Variants in NEMF observed in about 807,000 individuals in gnomAD.
The protein encoded by NEMF is ribosome quality control complex subunit NEMF.
NEMF carries 89 observed loss-of-function variants against 162.2 expected under a neutral mutation model. That is an observed-to-expected ratio of 0.55 (90% CI 0.46 to 0.65). NEMF has a LOEUF of 0.65. Among genes scored for constraint, NEMF ranks in the 30% least tolerant of loss-of-function variants. The pLI is 0.00. For synonymous variants in NEMF, 421 were observed against 404.5 expected (o/e 1.04, Z -0.49); for missense variants, 1,133 against 1,261.9 (o/e 0.90, Z 1.55).
intron 15 of NEMF, among the ~76,000 whole-genome samples, chr14:49,827,669 T>G (rs893615668): frequency 4.6e-5 from 7 of 151,942 alleles, no homozygotes; most frequent in Non-Finnish European, 1.0e-4. Context: ...AAAAATTAGC[T>G]GGGTGTGGTG....
rs1892507042 is a variant in NEMF at position 49,829,005 on chromosome 14, T to C, written c.1232+49A>G. 3 of 1,528,308 alleles carry C rather than the reference T, an allele frequency of 2.0e-6. No individual in the cohort carries two copies. The South Asian group carries it at 3.6e-5, about 18-fold the overall frequency. The allele number at this position is 1,528,308 out of a possible 1,614,324, so 94.7% of individuals were successfully genotyped here. On this transcript the variant is annotated intron_variant, in intron 13 of 32. Transcript: ENST00000298310. Reference sequence around the variant, plus strand: ...TGTTTAATACAGTGAACAATTAAAATAACAAAATAAAGACAAGCATTAACT... The same window carrying C: ...TGTTTAATACAGTGAACAATTAAAACAACAAAATAAAGACAAGCATTAACT...
Position 49,784,622 on chromosome 14 carries a change from G to C in NEMF, c.*14C>G, listed in dbSNP as rs370738525. ...AAATTGGCTCTTCTCAAATATTTTA[G>C]AATTTCATTTCAGCTATTTCCTTTT... is the stretch of plus-strand genomic sequence containing the variant. On this transcript the variant is annotated 3_prime_UTR_variant, in exon 33 of 33. Transcript: ENST00000298310. 5 of 1,585,394 alleles carry C rather than the reference G, an allele frequency of 3.2e-6. No individual in the cohort carries two copies. The African/African-American group carries it at 4.0e-5, about 13-fold the overall frequency.
intron 10 of NEMF, 69 bp downstream of exon 10, chr14:49,831,982 G>T: frequency 9.8e-7 from 1 of 1,019,268 alleles, no homozygotes; most frequent in Non-Finnish European, 1.4e-6. Flanking sequence ...TTTCTCAATA[G>T]AAGCAAGTTG....
chr14:49,824,975 C>T (rs944741485), intron 16 of NEMF, among the ~76,000 whole-genome samples: 5 of 152,152 alleles, frequency 3.3e-5, no homozygotes, highest in African/African-American at 4.8e-5. Flanking sequence ...GACTTCTGAC[C>T]TCTGCAAGAT....
chr14:49,802,741 C>T lies in NEMF; in HGVS notation c.1916-14G>A, dbSNP rs756701233. On this transcript the variant is annotated splice_polypyrimidine_tract_variant and intron_variant, in intron 20 of 32. Transcript: ENST00000298310. Reference sequence around the variant, plus strand: ...AATTCTTTTTTCCTACAAAAGATAACGTACATTAATGCTTTGAAAATCAGT... The same window carrying T: ...AATTCTTTTTTCCTACAAAAGATAATGTACATTAATGCTTTGAAAATCAGT... 1.6e-5 allele frequency: 25 copies of T among 1,593,652 alleles called. No homozygotes were observed. The highest frequency in any genetic ancestry group is 1.6e-4 in the Admixed American group (9 of 57,970).
intron 17 of NEMF, 54 bp downstream of exon 17, chr14:49,814,700 A>G: frequency 1.1e-6 from 1 of 918,030 alleles, no homozygotes; most frequent in Non-Finnish European, 1.7e-6. Context: ...TAATATTGAG[A>G]TAACTGATCC....
At chr14:49,799,358 C>A (rs574145323) in intron 25 of NEMF, 117 bp downstream of exon 25, 2 of 810,576 alleles carry the variant, frequency 2.5e-6, no homozygotes, top group East Asian at 5.6e-5. Flanking sequence ...TGTGCTAAAT[C>A]TTGGTAAATT....
intron 3 of NEMF, among the ~76,000 whole-genome samples, chr14:49,847,759 C>T (rs1388773190): frequency 1.2e-4 from 17 of 146,780 alleles, no homozygotes; most frequent in African/African-American, 3.3e-4. Flanking sequence ...TTGCCAGGAG[C>T]GGTGGCTCAG....
intron 15 of NEMF, among the ~76,000 whole-genome samples, chr14:49,826,940 C>G (rs1304422896): frequency 6.6e-6 from 1 of 152,030 alleles, no homozygotes; most frequent in African/African-American, 2.4e-5. Context: ...AGAGAGGGGT[C>G]AAACTGAAAA....
intron 25 of NEMF, among the ~76,000 whole-genome samples, chr14:49,799,133 G>A (rs1171849029): frequency 7.1e-6 from 1 of 141,808 alleles, no homozygotes; most frequent in Non-Finnish European, 1.5e-5. Context: ...GCCTGAGCCT[G>A]GGAGTTTGAG....
Position 49,846,160 on chromosome 14 carries a change from T to G in NEMF, c.337A>C (p.Ile113Leu), listed in dbSNP as rs1207798677. ...FGSDEAAYHL[I>L]IELYDRGNIV... ...CTTACCCTATCATAGAGCTCAATGA[T>G]TAAATGGTAAGCAGCTTCATCACTT... The change falls in exon 4 of 33, where the codon ATC becomes CTC. Residue 113 changes from isoleucine to leucine, a missense_variant. By Grantham distance (5) the Ile-to-Leu change is conservative. Coordinates refer to ENST00000298310, the MANE Select transcript of NEMF (RefSeq NM_004713.6). The G allele has an allele frequency of 4.3e-6, 7 of 1,613,658 alleles. No homozygotes were observed. Among genetic ancestry groups the G allele is most frequent in the Admixed American group, 1.7e-5 (1 of 59,914 alleles).
chr14:49,823,000 G>A (rs1341546050), intron 16 of NEMF, among the ~76,000 whole-genome samples: 5 of 148,888 alleles, frequency 3.4e-5, no homozygotes, highest in Admixed American at 6.8e-5. Context: ...GCAGTGGCAC[G>A]ATCTCGGCTT....
chr14:49,812,015 C>T (rs1413238704), intron 18 of NEMF, among the ~76,000 whole-genome samples: 4 of 152,098 alleles, frequency 2.6e-5, no homozygotes, highest in Non-Finnish European at 1.5e-5. Flanking sequence ...CTTTATAATT[C>T]ACCAGTGAAG....
chr14:49,845,283 G>A (rs924986613), intron 4 of NEMF, among the ~76,000 whole-genome samples: 3 of 152,042 alleles, frequency 2.0e-5, no homozygotes, highest in East Asian at 1.9e-4. Flanking sequence ...TAATAGAGAC[G>A]GGGTTTTGCC....
chr14:49,794,371 A>G (rs886798546), intron 26 of NEMF, among the ~76,000 whole-genome samples: 2 of 152,152 alleles, frequency 1.3e-5, no homozygotes, highest in African/African-American at 4.8e-5. Context: ...CCTTATGCAC[A>G]TGTCATTTGC....
At chr14:49,807,255 T>A (rs1891257821) in intron 18 of NEMF, among the ~76,000 whole-genome samples, 1 of 152,260 alleles carries the variant, frequency 6.6e-6, no homozygotes, top group Non-Finnish European at 1.5e-5. Flanking sequence ...TTCCATTATA[T>A]GGATATATCA....
Position 49,789,180 on chromosome 14 carries a change from T to C in NEMF, c.2861A>G (p.Gln954Arg). 2 of 1,614,096 alleles carry C rather than the reference T, an allele frequency of 1.2e-6. No individual in the cohort carries two copies. Among genetic ancestry groups the C allele is most frequent in the Non-Finnish European group, 1.7e-6 (2 of 1,180,018 alleles). Residue 954 changes from glutamine to arginine, a missense_variant, in exon 28 of 33, where the codon CAA becomes CGA. By Grantham distance (43) the Gln-to-Arg change is conservative. This residue lies in a region of NEMF where 532 missense variants were observed against 578.6 expected (regional missense o/e 0.92). Transcript: ENST00000298310. ...ATGTGGATCATCTACAGCAAAGTCT[T>C]GTAACTCATGAGTTATAACCTCAAG... is the stretch of plus-strand genomic sequence containing the variant. ...PFLEVITHEL[Q>R]DFAVDDPHDD...
chr14:49,829,513 G>T (rs1297975985), intron 11 of NEMF, 87 bp from the exon 12 acceptor site: 1 of 1,075,478 alleles, frequency 9.3e-7, no homozygotes, highest in Non-Finnish European at 1.4e-6. Flanking sequence ...TCACTATCCT[G>T]ACCCCATCTA....
chr14:49,794,920 G>A (rs946987703), intron 26 of NEMF, among the ~76,000 whole-genome samples: 11 of 151,954 alleles, frequency 7.2e-5, no homozygotes, highest in Non-Finnish European at 1.0e-4. Context: ...GGTTCACCAT[G>A]TTGGATAGGC....
Sources: allele counts gnomAD v4.1 joint callset (sites outside exome capture counted in the v4.1 genomes callset), GRCh38; gene constraint gnomAD v4.1.1; regional missense constraint gnomAD v4.1.1; transcripts MANE v1.5; gene names NCBI Gene and HGNC (gene_info 2026-07-23, HGNC 2026-07-21).